Variants in PREX2 observed in about 807,000 individuals in gnomAD.
The protein encoded by PREX2 is phosphatidylinositol-3,4,5-trisphosphate dependent Rac exchange factor 2.
In PREX2, 107 loss-of-function variants were observed where a neutral mutation model predicts 203.2. That is an observed-to-expected ratio of 0.53 (90% CI 0.45 to 0.62). PREX2 has a LOEUF of 0.62. Among genes scored for constraint, PREX2 ranks in the 20% least tolerant of loss-of-function variants. PREX2 has a pLI of 0.00. For missense variants in PREX2, 1,777 were observed against 1,955.9 expected (o/e 0.91, Z 1.72); for synonymous variants, 672 against 663.6 (o/e 1.01, Z -0.19).
chr8:68,054,372 A>AC (rs1436061996), intron 9 of PREX2, among the ~76,000 whole-genome samples: 1 of 118,846 alleles, frequency 8.4e-6, no homozygotes, highest in Admixed American at 7.9e-5. Flanking sequence ...AGAAAAAAAC[A>AC]AAACAAAATA....
chr8:68,062,098 T>G (rs1298818552), intron 11 of PREX2, among the ~76,000 whole-genome samples: 1 of 152,184 alleles, frequency 6.6e-6, no homozygotes, highest in Non-Finnish European at 1.5e-5. Flanking sequence ...GGTACCACCA[T>G]CCACCCAGCT....
intron 9 of PREX2, among the ~76,000 whole-genome samples, chr8:68,054,341 C>A (rs1463181423): frequency 3.3e-5 from 5 of 151,020 alleles, no homozygotes; most frequent in Admixed American, 1.3e-4. Flanking sequence ...TCAAATTGAA[C>A]CTTTTTCTTA....
chr8:68,066,508 A>G (rs1809020392), intron 11 of PREX2, among the ~76,000 whole-genome samples: 2 of 151,988 alleles, frequency 1.3e-5, no homozygotes, highest in African/African-American at 4.8e-5. Context: ...GGCCATCTTT[A>G]TTTCTTTTTT....
chr8:68,110,487 A>T (rs1810513886), intron 25 of PREX2, among the ~76,000 whole-genome samples: 1 of 152,220 alleles, frequency 6.6e-6, no homozygotes, highest in South Asian at 2.1e-4. Flanking sequence ...AGGGATGGAA[A>T]TTATTGAATA....
chr8:68,089,751 A>G (rs1809810889), intron 19 of PREX2, among the ~76,000 whole-genome samples: 1 of 152,248 alleles, frequency 6.6e-6, no homozygotes, highest in Non-Finnish European at 1.5e-5. Flanking sequence ...TAATTTCTTT[A>G]TGAGAGACAT....
intron 11 of PREX2, among the ~76,000 whole-genome samples, chr8:68,065,886 T>G: frequency 6.6e-6 from 1 of 152,192 alleles, no homozygotes; most frequent in Non-Finnish European, 1.5e-5. Context: ...TAGTAGGAGA[T>G]TCCCTCCCCT....
chr8:68,047,695 T>A (rs1186610069), intron 8 of PREX2, among the ~76,000 whole-genome samples: 1 of 151,260 alleles, frequency 6.6e-6, no homozygotes, highest in African/African-American at 2.4e-5. Flanking sequence ...CACTTAGAAC[T>A]TGTGATGGAA....
intron 10 of PREX2, among the ~76,000 whole-genome samples, chr8:68,060,132 G>T (rs1175135048): frequency 6.6e-6 from 1 of 152,168 alleles, no homozygotes; most frequent in African/African-American, 2.4e-5. Flanking sequence ...ATCTTGGTGT[G>T]GTGGGAGGGC....
chr8:68,106,183 A>G, intron 23 of PREX2: 1 of 385,658 alleles, frequency 2.6e-6, no homozygotes, highest in Non-Finnish European at 5.0e-6. Context: ...ACTTCCTATT[A>G]TGGTGGATGC....
At chr8:68,091,379 C>T (rs934521520) in intron 20 of PREX2, among the ~76,000 whole-genome samples, 1 of 152,170 alleles carries the variant, frequency 6.6e-6, no homozygotes, top group Admixed American at 6.5e-5. Flanking sequence ...TGAGTATTGG[C>T]ATATAAAAGA....
chr8:68,097,211 A>G lies in PREX2; in HGVS notation c.2553+10A>G. On this transcript the variant is annotated intron_variant, in intron 22 of 39. Coordinates refer to ENST00000288368, the MANE Select transcript of PREX2 (RefSeq NM_024870.4). ...CAGCTTAACTGCCAAGGTAGGAGCG[A>G]TGCTGAAGAAATAAGATTTTTTGTT... 1 of 1,588,398 alleles carries G rather than the reference A, an allele frequency of 6.3e-7. No homozygotes were observed. Among genetic ancestry groups the G allele is most frequent in the South Asian group, 1.1e-5 (1 of 88,240 alleles).
intron 35 of PREX2, among the ~76,000 whole-genome samples, chr8:68,163,058 G>A (rs796599189): frequency 5.3e-5 from 8 of 152,040 alleles, no homozygotes; most frequent in African/African-American, 9.7e-5. Flanking sequence ...TACTAAAATC[G>A]TGTGAATTTG....
intron 37 of PREX2, among the ~76,000 whole-genome samples, chr8:68,204,453 C>T (rs1812569176): frequency 6.6e-6 from 1 of 152,086 alleles, no homozygotes; most frequent in Non-Finnish European, 1.5e-5. Context: ...AATTTCATGG[C>T]TAATTCCCTG....
chr8:68,153,044 C>A (rs995697074), intron 34 of PREX2, among the ~76,000 whole-genome samples: 1 of 152,136 alleles, frequency 6.6e-6, no homozygotes, highest in African/African-American at 2.4e-5. Context: ...ATAAATGACT[C>A]CATTTCAAGA....
At chr8:68,026,013 G>A (rs1236434409) in intron 4 of PREX2, among the ~76,000 whole-genome samples, 2 of 152,084 alleles carry the variant, frequency 1.3e-5, no homozygotes, top group Non-Finnish European at 2.9e-5. Flanking sequence ...ATAATGAGAT[G>A]TAGATAGTTG....
At chr8:68,044,691 A>G (rs1011814314) in intron 8 of PREX2, 101 bp downstream of exon 8, 7 of 818,278 alleles carry the variant, frequency 8.6e-6, no homozygotes, top group Non-Finnish European at 1.4e-5. Flanking sequence ...CATGTATTAG[A>G]GCTTAGAAAT....
intron 15 of PREX2, among the ~76,000 whole-genome samples, chr8:68,077,862 T>C (rs544150216): frequency 3.9e-5 from 6 of 152,216 alleles, no homozygotes; most frequent in Non-Finnish European, 8.8e-5. Flanking sequence ...TGACAGCATA[T>C]GTGGTTGACT....
At chr8:68,108,480 A>G (rs1810464109) in intron 24 of PREX2, 149 bp downstream of exon 24, 1 of 629,690 alleles carries the variant, frequency 1.6e-6, no homozygotes, top group East Asian at 2.7e-5. Context: ...AATCATTTGG[A>G]TAATTATGCC....
chr8:68,223,682 A>G (rs776497464), intron 38 of PREX2, among the ~76,000 whole-genome samples: 12 of 152,204 alleles, frequency 7.9e-5, no homozygotes, highest in Non-Finnish European at 1.5e-4. Context: ...AATTTTCATG[A>G]GGAACTAAAG....
Sources: gnomAD v4.1 joint callset for allele counts (sites outside exome capture counted in the v4.1 genomes callset) on GRCh38, gnomAD v4.1.1 for gene constraint, MANE v1.5 for transcripts, NCBI Gene and HGNC (gene_info 2026-07-23, HGNC 2026-07-21) for gene names.